Variants in CIMIP2C observed in about 807,000 individuals in gnomAD.
CIMIP2C encodes UPF0573 protein C2orf70.
the CIMIP2C span, among the ~76,000 whole-genome samples, chr2:26,572,732 T>C: frequency 6.6e-6 from 1 of 152,056 alleles, no homozygotes; most frequent in Admixed American, 6.6e-5. Context: ...GCCGGCCTCC[T>C]CCCCACGGGC....
At chr2:26,578,784 G>A in the CIMIP2C span, 1 of 471,100 alleles carries the variant, frequency 2.1e-6, no homozygotes, top group Non-Finnish European at 4.4e-6. Context: ...CAGGTTGCCT[G>A]GCCACTTGCA....
chr2:26,572,479 C>A, the CIMIP2C span, among the ~76,000 whole-genome samples: 5 of 151,964 alleles, frequency 3.3e-5, no homozygotes, highest in African/African-American at 4.8e-5. Context: ...TGGCTTTGTA[C>A]CCCTGTGACC....
At chr2:26,565,713 T>C in the CIMIP2C span, among the ~76,000 whole-genome samples, 7 of 152,102 alleles carry the variant, frequency 4.6e-5, no homozygotes, top group African/African-American at 1.2e-4. Flanking sequence ...GGTGTGCAGG[T>C]TAAAGAGGTT....
the CIMIP2C span, among the ~76,000 whole-genome samples, chr2:26,570,466 G>A: frequency 3.9e-5 from 6 of 152,214 alleles, no homozygotes; most frequent in Non-Finnish European, 8.8e-5. Flanking sequence ...AGGAGAACAC[G>A]GATTAGCAGA....
chr2:26,577,801 C>A, the CIMIP2C span: 1 of 544,588 alleles, frequency 1.8e-6, no homozygotes, highest in South Asian at 2.5e-5. Flanking sequence ...GCATTGGCAG[C>A]CTCAGGGGGG....
chr2:26,572,605 G>A, the CIMIP2C span, among the ~76,000 whole-genome samples: 1 of 152,168 alleles, frequency 6.6e-6, no homozygotes, highest in Non-Finnish European at 1.5e-5. Context: ...GCAGCACCTG[G>A]AGATGAGCAT....
the CIMIP2C span, chr2:26,562,678 C>T: frequency 1.3e-6 from 2 of 1,574,254 alleles, no homozygotes; most frequent in South Asian, 1.2e-5. Flanking sequence ...CCCCTGGACT[C>T]ATGCCCGGGT....
At chr2:26,568,042 C>A in the CIMIP2C span, among the ~76,000 whole-genome samples, 19 of 152,330 alleles carry the variant, frequency 1.2e-4, no homozygotes, top group African/African-American at 4.3e-4. Flanking sequence ...ACACCCCCGC[C>A]CCCAGGCTGA....
At chr2:26,569,477 A>G in the CIMIP2C span, among the ~76,000 whole-genome samples, 1 of 152,216 alleles carries the variant, frequency 6.6e-6, no homozygotes, top group Non-Finnish European at 1.5e-5. Flanking sequence ...AACTGTCCTC[A>G]GTAGGAGGCG....
chr2:26,579,068 G>T, the CIMIP2C span: 2 of 577,320 alleles, frequency 3.5e-6, no homozygotes, highest in African/African-American at 1.9e-5. Flanking sequence ...ACCAGAGTCC[G>T]TCCCAGGTCT....
At chr2:26,568,081 T>A in the CIMIP2C span, among the ~76,000 whole-genome samples, 1 of 152,218 alleles carries the variant, frequency 6.6e-6, no homozygotes, top group Non-Finnish European at 1.5e-5. Flanking sequence ...CAGCAGGCAC[T>A]ACTTTCGTTG....
chr2:26,575,966 A>C, the CIMIP2C span: 2 of 1,613,486 alleles, frequency 1.2e-6, no homozygotes, highest in African/African-American at 2.7e-5. Flanking sequence ...CACCACCCTC[A>C]AGTACTTCCA....
chr2:26,569,486 C>T, the CIMIP2C span, among the ~76,000 whole-genome samples: 29 of 152,124 alleles, frequency 1.9e-4, no homozygotes, highest in African/African-American at 2.9e-4. Flanking sequence ...CAGTAGGAGG[C>T]GTTATGGAGG....
the CIMIP2C span, among the ~76,000 whole-genome samples, chr2:26,565,029 T>TCTTCTC: frequency 0.027 from 4,008 of 150,832 alleles, 169 homozygotes; most frequent in African/African-American, 0.092. Flanking sequence ...TTCTTCTTCT[T>TCTTCTC]CTTCTCCTTC....
chr2:26,566,003 G>A, the CIMIP2C span, among the ~76,000 whole-genome samples: 1 of 152,226 alleles, frequency 6.6e-6, no homozygotes, highest in Admixed American at 6.5e-5. Flanking sequence ...GAGCCCCTGA[G>A]ATTTGAAGGG....
chr2:26,578,142 T>C, the CIMIP2C span: 1 of 158,086 alleles, frequency 6.3e-6, no homozygotes, highest in Non-Finnish European at 1.4e-5. Flanking sequence ...TCTGCTTTTA[T>C]CTAGGAGAGC....
chr2:26,571,502 C>T, the CIMIP2C span, among the ~76,000 whole-genome samples: 1 of 152,194 alleles, frequency 6.6e-6, no homozygotes, highest in Non-Finnish European at 1.5e-5. Context: ...GAGGATTGGG[C>T]TTGGGGAAGG....
the CIMIP2C span, chr2:26,575,992 A>C: frequency 1.2e-6 from 2 of 1,613,996 alleles, no homozygotes; most frequent in Non-Finnish European, 1.7e-6. Flanking sequence ...ACCGCAACAG[A>C]GCCATGGAGA....
At chr2:26,566,181 G>T in the CIMIP2C span, among the ~76,000 whole-genome samples, 1 of 152,202 alleles carries the variant, frequency 6.6e-6, no homozygotes, top group African/African-American at 2.4e-5. Context: ...CTGCCACTGC[G>T]CCCCATGCCC....
Sources: gnomAD v4.1 joint callset for allele counts (sites outside exome capture counted in the v4.1 genomes callset) on GRCh38, gnomAD v4.1.1 for gene constraint, MANE v1.5 for transcripts, NCBI Gene and HGNC (gene_info 2026-07-23, HGNC 2026-07-21) for gene names.